BCAS2: variants seen among roughly 807,000 people sequenced by gnomAD.
The protein encoded by BCAS2 is BCAS2 pre-mRNA processing factor.
In BCAS2, 34 loss-of-function variants were observed where a neutral mutation model predicts 35.3. That is an observed-to-expected ratio of 0.96 (90% CI 0.73 to 1.28). The LOEUF is 1.28. Among genes scored for constraint, BCAS2 ranks in the 50% most tolerant of loss-of-function variants. The probability of loss-of-function intolerance (pLI) is 0.00; values close to 1 mark genes in which losing one functional copy is unlikely to be tolerated. For missense variants in BCAS2, 221 were observed against 268.1 expected, an observed-to-expected ratio of 0.82 and a Z score of 1.23; for synonymous variants, 75 against 91.6, an observed-to-expected ratio of 0.82 and a Z score of 1.03.
chr1:114,570,624 C>T (rs1427183213), intron 5 of BCAS2, 76 bp downstream of exon 5: 3 of 1,040,764 alleles, frequency 2.9e-6, no homozygotes, highest in Non-Finnish European at 2.8e-6. Flanking sequence ...AGTCTCTTTG[C>T]TTTCTTTTTC....
chr1:114,568,368 C>CTTTTTT (rs71090789), intron 6 of BCAS2, 112 bp from the exon 7 acceptor site: 36 of 876,566 alleles, frequency 4.1e-5, no homozygotes, highest in Admixed American at 7.2e-5. Flanking sequence ...CTAACCTTCA[C>CTTTTTT]TTTTTTTTTT....
chr1:114,580,576 C>CT (rs1654865149), intron 2 of BCAS2, among the ~76,000 whole-genome samples: 2 of 152,204 alleles, frequency 1.3e-5, no homozygotes, highest in South Asian at 4.1e-4. Context: ...TTTTATATAT[C>CT]TAGCTCCTCA....
Position 114,568,001 on chromosome 1 carries a change from C to A in BCAS2, c.*129G>T. On this transcript the variant is annotated 3_prime_UTR_variant, in exon 7 of 7. Transcript: ENST00000369541. ...AATAGAATTACCACAGCAGCCTACACCTTCTATGATTTCTAAACACTTAAA... is the reference window on the plus strand; with the variant it reads ...AATAGAATTACCACAGCAGCCTACAACTTCTATGATTTCTAAACACTTAAA... 1 of 1,249,196 alleles carries A rather than the reference C, an allele frequency of 8.0e-7. No homozygotes were observed. Among genetic ancestry groups the A allele is most frequent in the Non-Finnish European group, 1.1e-6 (1 of 890,994 alleles). The allele number at this position is 1,249,196 out of a possible 1,614,324, so 77.4% of individuals were successfully genotyped here. A position where few individuals can be genotyped will look rare whatever the true frequency, so the allele number is the denominator to read the frequency against.
chr1:114,578,450 G>A, intron 2 of BCAS2, among the ~76,000 whole-genome samples: 1 of 152,132 alleles, frequency 6.6e-6, no homozygotes, highest in East Asian at 1.9e-4. Flanking sequence ...CTTGAGCCAT[G>A]TAGCATAGGA....
Position 114,567,839 on chromosome 1 carries a change from T to C in BCAS2, c.*291A>G, listed in dbSNP as rs945003898. On this transcript the variant is annotated 3_prime_UTR_variant, in exon 7 of 7. Transcript: ENST00000369541. The stretch of plus-strand genomic sequence containing the variant: ...AATAAGGATCCTTGGATACAAAATA[T>C]GGTCCACATGGCTGAAAATTAATTC... 1.3e-5 allele frequency: 3 copies of C among 237,332 alleles called. No homozygotes were observed. The highest frequency in any genetic ancestry group is 2.4e-4 in the South Asian group (2 of 8,230). 14.7% of individuals were successfully genotyped at this position (237,332 alleles called of 1,614,324 possible).
Position 114,576,681 on chromosome 1 carries a change from T to C in BCAS2, c.257+7A>G, listed in dbSNP as rs1654775218. On this transcript the variant is annotated splice_region_variant and intron_variant, in intron 3 of 6. Transcript: ENST00000369541. ...CTAAATTTTAATTTCCATTTTAATA[T>C]TCTTACCGTTTCATACTGAGCAATT... is the stretch of plus-strand genomic sequence containing the variant. 6.2e-7 allele frequency: 1 copy of C among 1,600,650 alleles called. No individual in the cohort carries two copies. The highest frequency in any genetic ancestry group is 1.7e-5 in the Admixed American group (1 of 59,656).
chr1:114,570,892 T>G lies in BCAS2; in HGVS notation c.420-142A>C. ...TGTTGGACACTCCATAATCGAGGACTGTCACTCATGCTGGAATGCAGTGGT... is the reference window on the plus strand; with the variant it reads ...TGTTGGACACTCCATAATCGAGGACGGTCACTCATGCTGGAATGCAGTGGT... On this transcript the variant is annotated intron_variant, in intron 4 of 6. Coordinates refer to ENST00000369541, the MANE Select transcript of BCAS2 (RefSeq NM_005872.3). The G allele has an allele frequency of 2.9e-5, 19 of 650,702 alleles. No individual in the cohort carries two copies. In the South Asian group the frequency reaches 3.4e-4, roughly 11 times the overall value. The allele number at this position is 650,702 out of a possible 1,614,324, so 40.3% of individuals were successfully genotyped here. A position where few individuals can be genotyped will look rare whatever the true frequency, so the allele number is the denominator to read the frequency against.
intron 6 of BCAS2, among the ~76,000 whole-genome samples, chr1:114,569,171 A>T (rs1654590954): frequency 6.6e-6 from 1 of 152,222 alleles, no homozygotes; most frequent in Non-Finnish European, 1.5e-5. Context: ...AACCAGAAGA[A>T]AGAGGAAAGA....
intron 4 of BCAS2, among the ~76,000 whole-genome samples, chr1:114,575,051 T>TTC (rs1165961364): frequency 6.6e-6 from 1 of 151,080 alleles, no homozygotes; most frequent in African/African-American, 2.4e-5. Context: ...TTTTTTTTTT[T>TTC]AGTAGAGATG....
In BCAS2 at chr1:114,575,612, T is replaced by C; in HGVS notation, c.397A>G (p.Asn133Asp). 1.6e-5 allele frequency: 25 copies of C among 1,608,632 alleles called. No individual in the cohort carries two copies. The highest frequency in any genetic ancestry group is 2.0e-5 in the Non-Finnish European group (24 of 1,179,030). ...TACTCATTGTATACTTTCCAGGCAT[T>C]ACATCCATGCTGTGACATTAGTTCC... ...NLELMSQHGC[N>D]AWKVYNENLV... is the part of the protein sequence containing the mutation. The change falls in exon 4 of 7, where the codon AAT (asparagine) becomes GAT (aspartate). Residue 133 changes from asparagine (N) to aspartate (D), a missense_variant. Physicochemically the swap from Asn to Asp is conservative, Grantham distance 23 (BLOSUM62 1). Transcript: ENST00000369541.
At chr1:114,570,812 T>C in intron 4 of BCAS2, 62 bp from the exon 5 acceptor site, 2 of 1,151,490 alleles carry the variant, frequency 1.7e-6, no homozygotes, top group East Asian at 5.0e-5. Flanking sequence ...AAAAGTGAAC[T>C]TTTTCAAGTT....
intron 2 of BCAS2, among the ~76,000 whole-genome samples, chr1:114,581,055 AGAAT>A (rs1219504026): frequency 6.6e-6 from 1 of 152,224 alleles, no homozygotes; most frequent in Non-Finnish European, 1.5e-5. Flanking sequence ...CCTATCTCAA[AGAAT>A]GGTAGCCACA....
chr1:114,576,926 A>ACACT (rs780859838), intron 2 of BCAS2, among the ~76,000 whole-genome samples, 168 bp from the exon 3 acceptor site: 3 of 152,160 alleles, frequency 2.0e-5, no homozygotes, highest in Non-Finnish European at 2.9e-5. Context: ...ACACACACAC[A>ACACT]CACTCACTCA....
intron 2 of BCAS2, among the ~76,000 whole-genome samples, chr1:114,577,238 C>T (rs1182274687): frequency 1.3e-5 from 2 of 152,202 alleles, no homozygotes; most frequent in Non-Finnish European, 2.9e-5. Flanking sequence ...TGTGCCCCTA[C>T]CTTGCCATGT....
intron 3 of BCAS2, 122 bp from the exon 4 acceptor site, chr1:114,575,873 A>C (rs1654750288): frequency 9.2e-7 from 1 of 1,082,196 alleles, no homozygotes; most frequent in Non-Finnish European, 1.3e-6. Context: ...TAAGGATGTA[A>C]ACCTTGCAAT....
chr1:114,567,959 TTC>T lies in BCAS2; in HGVS notation c.*169_*170del. On this transcript the variant is annotated 3_prime_UTR_variant, in exon 7 of 7. Coordinates refer to ENST00000369541, the MANE Select transcript of BCAS2 (RefSeq NM_005872.3). The stretch of plus-strand genomic sequence containing the variant: ...AATACCACCAAGCTAGACATTTTAA[TTC>T]TGTTGAGATATACAAATAGAATTAC... 2.4e-6 allele frequency: 2 copies of T among 831,286 alleles called. No individual in the cohort carries two copies. Among genetic ancestry groups the T allele is most frequent in the Non-Finnish European group, 3.6e-6 (2 of 551,470 alleles). The allele number at this position is 831,286 out of a possible 1,614,324, so 51.5% of individuals were successfully genotyped here. A position where few individuals can be genotyped will look rare whatever the true frequency, so the allele number is the denominator to read the frequency against.
In BCAS2 at chr1:114,567,983, T is replaced by C; in HGVS notation, c.*147A>G. On this transcript the variant is annotated 3_prime_UTR_variant, in exon 7 of 7. Coordinates refer to ENST00000369541, the MANE Select transcript of BCAS2 (RefSeq NM_005872.3). ...ATTCTGTTGAGATATACAAATAGAA[T>C]TACCACAGCAGCCTACACCTTCTAT... 1 of 1,051,064 alleles carries C rather than the reference T, an allele frequency of 9.5e-7. No homozygotes were observed. Among genetic ancestry groups the C allele is most frequent in the Non-Finnish European group, 1.4e-6 (1 of 731,254 alleles). The allele number at this position is 1,051,064 out of a possible 1,614,324, so 65.1% of individuals were successfully genotyped here.
At position 114,570,562 on chromosome 1, in the gene BCAS2, G is replaced by A. The variant is rs144582556; in HGVS notation, c.470+138C>T. 1.0e-4 allele frequency: 68 copies of A among 666,142 alleles called. No individual in the cohort carries two copies. The Middle Eastern group carries it at 1.7e-3, about 16-fold the overall frequency. 41.3% of individuals were successfully genotyped at this position (666,142 alleles called of 1,614,324 possible). On this transcript the variant is annotated intron_variant, in intron 5 of 6. Transcript: ENST00000369541. ...TCTACTTAGGTAGGGCAAACCCAGT[G>A]TCAGATGTTGAACAAAGAGAGTGGA...
At chr1:114,573,669 T>G (rs547365260) in intron 4 of BCAS2, among the ~76,000 whole-genome samples, 58 of 152,378 alleles carry the variant, frequency 3.8e-4, no homozygotes, top group African/African-American at 1.2e-3. Context: ...TTGAGAAGAA[T>G]CACATTTTTC....
Sources: allele counts gnomAD v4.1 joint callset (sites outside exome capture counted in the v4.1 genomes callset), GRCh38; gene constraint gnomAD v4.1.1; transcripts MANE v1.5; gene names NCBI Gene and HGNC (gene_info 2026-07-23, HGNC 2026-07-21).